Variants in CCNJ observed in about 807,000 individuals in gnomAD.
The protein encoded by CCNJ is cyclin J, also known as cyclin-J.
In CCNJ, 12 loss-of-function variants were observed where a neutral mutation model predicts 41.4. The ratio of observed to expected loss-of-function variants is 0.29; its 90% CI spans 0.19 to 0.47. The LOEUF is 0.47. Among genes scored for constraint, CCNJ ranks in the 20% least tolerant of loss-of-function variants. The pLI, the probability that CCNJ is intolerant of heterozygous loss-of-function variation, is 1.00. For missense variants in CCNJ, 340 were observed against 464.6 expected (o/e 0.73, Z 2.47); for synonymous variants, 161 against 173.4 (o/e 0.93, Z 0.56).
At chr10:96,043,568 G>A, upstream of CCNJ, 1 of 394,962 alleles carries the variant, frequency 2.5e-6, no homozygotes. Context: ...ATGCGGAGCC[G>A]CCTGCCGGTC....
At chr10:96,048,947 T>C (rs1461015421) in intron 2 of CCNJ, among the ~76,000 whole-genome samples, 1 of 152,214 alleles carries the variant, frequency 6.6e-6, no homozygotes, top group Non-Finnish European at 1.5e-5. Flanking sequence ...AAACGTGGAA[T>C]TGCTGGATCA....
At chr10:96,050,735 G>A (rs1410597091) in intron 3 of CCNJ, among the ~76,000 whole-genome samples, 2 of 152,236 alleles carry the variant, frequency 1.3e-5, no homozygotes, top group African/African-American at 4.8e-5. Context: ...TGGGTACTGG[G>A]TATTTTTTAA....
intron 2 of CCNJ, among the ~76,000 whole-genome samples, chr10:96,048,269 G>T (rs1229493676): frequency 6.6e-6 from 1 of 152,070 alleles, no homozygotes; most frequent in Non-Finnish European, 1.5e-5. Context: ...CTTTATAGTA[G>T]AATGATTTAT....
At chr10:96,045,621 T>C (rs2080340839) in intron 2 of CCNJ, among the ~76,000 whole-genome samples, 1 of 151,962 alleles carries the variant, frequency 6.6e-6, no homozygotes, top group Admixed American at 6.5e-5. Flanking sequence ...ATGGGATCTC[T>C]GGAGTGTTAG....
At position 96,048,659 on chromosome 10, in the gene CCNJ, C is replaced by T. The variant is rs572390058; in HGVS notation, c.70-1597C>T. ...CTTTGTCCCTGTAAATAGGACTATT[C>T]TAGGTAACTCATTAAGTGGAATCAT... is the stretch of plus-strand genomic sequence containing the variant. On this transcript the variant is annotated intron_variant, in intron 2 of 5. Coordinates refer to ENST00000465148, the MANE Select transcript of CCNJ (RefSeq NM_001134375.2). Among the ~76,000 whole-genome samples the T allele has an allele frequency of 5.3e-5, 8 of 152,288 alleles. No homozygotes were observed. In the South Asian group the frequency reaches 1.5e-3, roughly 28 times the overall value.
At position 96,060,429 on chromosome 10, in the gene CCNJ, C is replaced by G. The variant is rs2080791404; in HGVS notation, c.*2188C>G. On this transcript the variant is annotated 3_prime_UTR_variant, in exon 6 of 6. Transcript: ENST00000465148. ...AGCTAAAGAACACTGGATTAATAAT[C>G]TTTTGGGAGGGTAGAATAAAATAAT... is the stretch of plus-strand genomic sequence containing the variant. The G allele has an allele frequency of 1.3e-5, 2 of 152,530 alleles. No homozygotes were observed. The highest frequency in any genetic ancestry group is 2.9e-5 in the Non-Finnish European group (2 of 68,008). The allele number at this position is 152,530 out of a possible 1,614,324, so 9.4% of individuals were successfully genotyped here.
chr10:96,055,637 G>C (rs987204805), intron 3 of CCNJ, among the ~76,000 whole-genome samples: 3 of 152,242 alleles, frequency 2.0e-5, no homozygotes, highest in African/African-American at 7.2e-5. Context: ...GCTGGAAAGA[G>C]AATCTTATTC....
At position 96,043,658 on chromosome 10, in the gene CCNJ, T is replaced by A. The variant is rs1318131338; in HGVS notation, c.-103T>A. 1 of 394,508 alleles carries A rather than the reference T, an allele frequency of 2.5e-6. No homozygotes were observed. The highest frequency in any genetic ancestry group is 4.5e-6 in the Non-Finnish European group (1 of 223,412). 24.4% of individuals were successfully genotyped at this position (394,508 alleles called of 1,614,324 possible). On this transcript the variant is annotated 5_prime_UTR_variant, in exon 1 of 6. An upstream start codon of the reference 5' UTR is lost. Transcript: ENST00000465148. ...GCTTAGCGGCCCACTGTCCGCAGCA[T>A]GAGCGGGGCCGGCGTCCGCCGCACG...
intron 3 of CCNJ, among the ~76,000 whole-genome samples, chr10:96,053,857 A>G (rs2080601397): frequency 6.6e-6 from 1 of 152,126 alleles, no homozygotes; most frequent in Non-Finnish European, 1.5e-5. Flanking sequence ...TCTATGAATT[A>G]CCTTTTTCTT....
chr10:96,051,263 A>G (rs955776829), intron 3 of CCNJ, among the ~76,000 whole-genome samples: 1 of 152,148 alleles, frequency 6.6e-6, no homozygotes, highest in Non-Finnish European at 1.5e-5. Flanking sequence ...ACATCTTCCT[A>G]TACCTCATTT....
In CCNJ at chr10:96,058,449, A is replaced by G. The variant is rs942138807; in HGVS notation, c.*208A>G. The G allele has an allele frequency of 2.1e-5, 11 of 534,562 alleles. No individual in the cohort carries two copies. The highest frequency in any genetic ancestry group is 9.5e-5 in the African/African-American group (5 of 52,870). 33.1% of individuals were successfully genotyped at this position (534,562 alleles called of 1,614,324 possible). A position where few individuals can be genotyped will look rare whatever the true frequency, so the allele number is the denominator to read the frequency against. On this transcript the variant is annotated 3_prime_UTR_variant, in exon 6 of 6. Transcript: ENST00000465148. ...TAACAGTATGTCAAATTCTGTTACA[A>G]CAAATCCCTGTATGACAAAAATGTT...
intron 2 of CCNJ, 32 bp downstream of exon 2, chr10:96,044,494 C>A: frequency 1.4e-6 from 2 of 1,436,966 alleles, no homozygotes; most frequent in East Asian, 2.6e-5. Context: ...CCTTCTCCTT[C>A]TGTGTGTCGC....
Position 96,058,304 on chromosome 10 carries a change from T to C in CCNJ, c.*63T>C. On this transcript the variant is annotated 3_prime_UTR_variant, in exon 6 of 6. Transcript: ENST00000465148. Reference sequence around the variant, plus strand: ...TGACATGAAGCTATGGGTAAGCGTTTTGTAAACTTCTGTTCAAAAGGAAAG... The same window carrying C: ...TGACATGAAGCTATGGGTAAGCGTTCTGTAAACTTCTGTTCAAAAGGAAAG... 2 of 1,415,222 alleles carry C rather than the reference T, an allele frequency of 1.4e-6. No homozygotes were observed. The highest frequency in any genetic ancestry group is 1.4e-5 in the African/African-American group (1 of 70,752). The allele number at this position is 1,415,222 out of a possible 1,614,324, so 87.7% of individuals were successfully genotyped here.
At chr10:96,043,812 G>C (rs1270038613) in intron 1 of CCNJ, 93 bp downstream of exon 1, 4 of 386,140 alleles carry the variant, frequency 1.0e-5, no homozygotes, top group African/African-American at 8.3e-5. Flanking sequence ...GAGCCTGGCT[G>C]GCCCGGCCTT....
intron 2 of CCNJ, among the ~76,000 whole-genome samples, chr10:96,046,255 T>C (rs1224888125): frequency 6.6e-6 from 1 of 152,238 alleles, no homozygotes; most frequent in Non-Finnish European, 1.5e-5. Context: ...GGGCCACCTA[T>C]GGCCTACTGC....
intron 2 of CCNJ, among the ~76,000 whole-genome samples, chr10:96,045,831 G>A (rs2080346752): frequency 6.6e-6 from 1 of 152,070 alleles, no homozygotes; most frequent in South Asian, 2.1e-4. Flanking sequence ...TTGATATTAA[G>A]AGTACTTTTT....
In CCNJ at chr10:96,060,171, T is replaced by C. The variant is rs1466073998; in HGVS notation, c.*1930T>C. The C allele has an allele frequency of 6.6e-6, 1 of 152,628 alleles. No homozygotes were observed. The highest frequency in any genetic ancestry group is 1.5e-5 in the Non-Finnish European group (1 of 68,034). 9.5% of individuals were successfully genotyped at this position (152,628 alleles called of 1,614,324 possible). Reference sequence around the variant, plus strand: ...AGAGAATATATCTTTCACATTCACATTCAGAACCCAGCAACCTGGAGTCCA... The same window carrying C: ...AGAGAATATATCTTTCACATTCACACTCAGAACCCAGCAACCTGGAGTCCA... On this transcript the variant is annotated 3_prime_UTR_variant, in exon 6 of 6. Transcript: ENST00000465148.
At position 96,056,754 on chromosome 10, in the gene CCNJ, C is replaced by T; in HGVS notation, c.334C>T (p.Leu112=). 1 of 1,613,514 alleles carries T rather than the reference C, an allele frequency of 6.2e-7. No homozygotes were observed. Among genetic ancestry groups the T allele is most frequent in the Non-Finnish European group, 8.5e-7 (1 of 1,179,672 alleles). ...GCCTAAGCTGGAGCAGCTCAACAGC[C>T]TGGGTTGTATGACTAATATGAATCT... is the stretch of plus-strand genomic sequence containing the variant. ...SVPKLEQLNS[L]GCMTNMNLVL... is the part of the protein sequence containing the mutation. Residue 112 remains leucine (L), a synonymous_variant, in exon 4 of 6, where the codon CTG becomes TTG. Coordinates refer to ENST00000465148, the MANE Select transcript of CCNJ (RefSeq NM_001134375.2).
chr10:96,050,916 A>C (rs1272178755), intron 3 of CCNJ, among the ~76,000 whole-genome samples: 1 of 152,218 alleles, frequency 6.6e-6, no homozygotes, highest in African/African-American at 2.4e-5. Flanking sequence ...ATGCTTTTTT[A>C]GCATCTAGTA....
Sources: gnomAD v4.1 joint callset for allele counts (sites outside exome capture counted in the v4.1 genomes callset) on GRCh38, gnomAD v4.1.1 for gene constraint, MANE v1.5 for transcripts, NCBI Gene and HGNC (gene_info 2026-07-23, HGNC 2026-07-21) for gene names.